Variants in ENOX1 observed in about 807,000 individuals in gnomAD.
The protein encoded by ENOX1 is ecto-NOX disulfide-thiol exchanger 1.
A neutral mutation model predicts 82.5 loss-of-function variants in ENOX1; 42 were observed. The observed-to-expected ratio is 0.51, with a 90% CI of 0.40 to 0.66. ENOX1 has a LOEUF of 0.66. ENOX1 is among the 30% of genes least tolerant of loss of function. The probability of loss-of-function intolerance (pLI) is 0.00; values close to 1 mark genes in which losing one functional copy is unlikely to be tolerated. For synonymous variants in ENOX1, 271 were observed against 282.2 expected (o/e 0.96, Z 0.40); for missense variants, 608 against 811.6 (o/e 0.75, Z 3.05).
At chr13:43,689,610 G>A (rs2086252485) in intron 1 of ENOX1, among the ~76,000 whole-genome samples, 1 of 152,114 alleles carries the variant, frequency 6.6e-6, no homozygotes, top group African/African-American at 2.4e-5. Flanking sequence ...ACTGCTTTAG[G>A]GCTATGTGTC....
intron 2 of ENOX1, among the ~76,000 whole-genome samples, chr13:43,600,037 T>C (rs993668317): frequency 2.0e-5 from 3 of 152,080 alleles, no homozygotes; most frequent in Non-Finnish European, 4.4e-5. Flanking sequence ...CACTACTCAC[T>C]GTGAGCTTTG....
At chr13:43,718,429 G>C (rs1172693519) in intron 1 of ENOX1, among the ~76,000 whole-genome samples, 2 of 152,000 alleles carry the variant, frequency 1.3e-5, no homozygotes, top group African/African-American at 4.8e-5. Context: ...CACCTACTGG[G>C]TACTATGCTC....
intron 2 of ENOX1, among the ~76,000 whole-genome samples, chr13:43,660,336 A>G (rs900965724): frequency 3.4e-4 from 51 of 152,196 alleles, no homozygotes; most frequent in East Asian, 3.3e-3. Context: ...TGAAGTTTCA[A>G]GAAGGGTCAG....
chr13:43,648,099 A>G (rs1404078390), intron 2 of ENOX1, among the ~76,000 whole-genome samples: 3 of 152,182 alleles, frequency 2.0e-5, no homozygotes, highest in Non-Finnish European at 2.9e-5. Context: ...AAGACTATAC[A>G]TCTGTGTTGT....
At chr13:43,267,322 T>C (rs1221474025) in intron 13 of ENOX1, among the ~76,000 whole-genome samples, 1 of 151,878 alleles carries the variant, frequency 6.6e-6, no homozygotes, top group Non-Finnish European at 1.5e-5. Context: ...AAGGCAGGAG[T>C]CAGTGGGGCC....
chr13:43,351,636 C>T (rs185845551), intron 8 of ENOX1, among the ~76,000 whole-genome samples: 7,857 of 138,398 alleles, frequency 0.057, 283 homozygotes, highest in Middle Eastern at 0.12. Flanking sequence ...TCCATGTGAT[C>T]TCATTGTTCA....
At chr13:43,590,665 A>G (rs1212442544) in intron 2 of ENOX1, among the ~76,000 whole-genome samples, 1 of 151,554 alleles carries the variant, frequency 6.6e-6, no homozygotes, top group Non-Finnish European at 1.5e-5. Flanking sequence ...AGTCCCAACT[A>G]CTCGGAAGGC....
chr13:43,659,432 G>T (rs1453149307), intron 2 of ENOX1, among the ~76,000 whole-genome samples: 1 of 151,946 alleles, frequency 6.6e-6, no homozygotes, highest in Admixed American at 6.6e-5. Flanking sequence ...AGAGGTTGTG[G>T]TGAGCCGAGA....
At chr13:43,686,152 G>A (rs781020682) in intron 1 of ENOX1, among the ~76,000 whole-genome samples, 14 of 152,078 alleles carry the variant, frequency 9.2e-5, no homozygotes, top group South Asian at 2.1e-4. Flanking sequence ...AGTAGCTCTC[G>A]GGATATACCA....
At chr13:43,638,104 G>A (rs2153760425) in intron 2 of ENOX1, among the ~76,000 whole-genome samples, 1 of 152,280 alleles carries the variant, frequency 6.6e-6, no homozygotes, top group South Asian at 2.1e-4. Context: ...CTTTATTGCT[G>A]CAGCCTCATT....
intron 8 of ENOX1, among the ~76,000 whole-genome samples, chr13:43,355,536 C>T (rs1306922978): frequency 6.6e-6 from 1 of 152,220 alleles, no homozygotes; most frequent in Non-Finnish European, 1.5e-5. Context: ...CCACCAATGG[C>T]ACAAATAGTT....
intron 12 of ENOX1, among the ~76,000 whole-genome samples, chr13:43,275,263 T>C (rs571110269): frequency 3.9e-5 from 6 of 152,316 alleles, no homozygotes; most frequent in African/African-American, 1.4e-4. Context: ...ACCCCTTCCT[T>C]GTCTTTTTTC....
Position 43,244,518 on chromosome 13 carries a change from C to G in ENOX1, c.1612-7780G>C, listed in dbSNP as rs193013810. ...TTTCTGTCAGTGTTGTTGTTATTAT[C>G]CTTATAAGTAAAGAAAGAAAAAGAA... On this transcript the variant is annotated intron_variant, in intron 14 of 16. Coordinates refer to ENST00000690772, the MANE Select transcript of ENOX1 (RefSeq NM_001347969.2). Among the ~76,000 whole-genome samples the G allele has an allele frequency of 1.4e-3, 209 of 152,054 alleles. 1 individual carries two copies. Among genetic ancestry groups the G allele is most frequent in the Non-Finnish European group, 2.5e-3 (172 of 67,988 alleles).
At chr13:43,415,634 T>C (rs1035656114) in intron 3 of ENOX1, among the ~76,000 whole-genome samples, 1 of 151,214 alleles carries the variant, frequency 6.6e-6, no homozygotes, top group African/African-American at 2.4e-5. Flanking sequence ...TGGAGCCTCC[T>C]ATGTCTAATT....
chr13:43,566,286 T>C (rs1335294353), intron 2 of ENOX1, among the ~76,000 whole-genome samples: 3 of 152,158 alleles, frequency 2.0e-5, no homozygotes, highest in Admixed American at 6.5e-5. Flanking sequence ...CATTTCTCTA[T>C]GCAGTCATAT....
intron 3 of ENOX1, among the ~76,000 whole-genome samples, chr13:43,457,174 T>C (rs1476593229): frequency 6.6e-6 from 1 of 152,222 alleles, no homozygotes; most frequent in Non-Finnish European, 1.5e-5. Context: ...CAGAAGTTTC[T>C]AGTGTTATAC....
At chr13:43,271,548 A>T (rs2044683555) in intron 12 of ENOX1, among the ~76,000 whole-genome samples, 1 of 152,114 alleles carries the variant, frequency 6.6e-6, no homozygotes, top group Non-Finnish European at 1.5e-5. Flanking sequence ...AAGAACAAAG[A>T]GAGGAATACT....
intron 12 of ENOX1, among the ~76,000 whole-genome samples, chr13:43,290,274 C>T (rs562042265): frequency 2.0e-5 from 3 of 152,250 alleles, no homozygotes; most frequent in South Asian, 4.2e-4. Flanking sequence ...CACATGCACT[C>T]ACATGTTCAT....
At chr13:43,751,319 GC>G (rs1950301816) in intron 1 of ENOX1, among the ~76,000 whole-genome samples, 1 of 152,082 alleles carries the variant, frequency 6.6e-6, no homozygotes, top group African/African-American at 2.4e-5. Flanking sequence ...CTGCATCACT[GC>G]TCTTCTGGTT....
Sources: allele counts gnomAD v4.1 joint callset (sites outside exome capture counted in the v4.1 genomes callset), GRCh38; gene constraint gnomAD v4.1.1; transcripts MANE v1.5; gene names NCBI Gene and HGNC (gene_info 2026-07-23, HGNC 2026-07-21).